Variants in MCF2 observed in about 807,000 individuals in gnomAD.
The protein encoded by MCF2 is proto-oncogene DBL.
Under a neutral mutation model 82.5 loss-of-function variants are expected in MCF2, and 44 were observed. The ratio of observed to expected loss-of-function variants is 0.53; its 90% CI spans 0.42 to 0.69. MCF2 has a LOEUF of 0.69. MCF2 is among the 30% of genes least tolerant of loss of function. The pLI, the probability that MCF2 is intolerant of heterozygous loss-of-function variation, is 0.00. For synonymous variants in MCF2, 217 were observed against 224.9 expected (o/e 0.96, Z 0.32); for missense variants, 623 against 663.1 (o/e 0.94, Z 0.66).
At chrX:139,584,981 G>T in intron 24 of MCF2, 85 bp downstream of exon 28, 1 of 588,204 alleles carries the variant, frequency 1.7e-6, no homozygotes, top group South Asian at 3.5e-5. Context: ...CAAGGATGCT[G>T]ACAAAAGATT....
At chrX:139,648,437 C>A (rs752686929) in intron 2 of MCF2, among the ~76,000 whole-genome samples, 1 of 109,845 alleles carries the variant, frequency 9.1e-6, no homozygotes, top group Non-Finnish European at 1.9e-5. Context: ...CAATACTCAA[C>A]GCAAAAGAAG....
At chrX:139,663,080 G>A (rs1246430404) in intron 1 of MCF2, among the ~76,000 whole-genome samples, 2 of 111,616 alleles carry the variant, frequency 1.8e-5, no homozygotes, top group African/African-American at 3.3e-5. Context: ...TTTTTCTATC[G>A]TGAATAATGC....
chrX:139,599,024 T>C (rs904629998), intron 16 of MCF2, among the ~76,000 whole-genome samples: 3 of 109,586 alleles, frequency 2.7e-5, no homozygotes, highest in Non-Finnish European at 5.7e-5. Flanking sequence ...TGATGTTGGG[T>C]TCCGGGAACA....
At chrX:139,696,967 G>T (rs1303773549) in intron 1 of MCF2, among the ~76,000 whole-genome samples, 1 of 112,130 alleles carries the variant, frequency 8.9e-6, no homozygotes, top group Non-Finnish European at 1.9e-5. Flanking sequence ...TCTTTGCCAT[G>T]TATGCAGGGG....
intron 1 of MCF2, among the ~76,000 whole-genome samples, chrX:139,633,376 C>T (rs1301976787): frequency 8.9e-6 from 1 of 111,952 alleles, no homozygotes; most frequent in Non-Finnish European, 1.9e-5. Flanking sequence ...CTGTGCAAAG[C>T]ATTTTGCCAA....
chrX:139,615,538 G>C (rs1016043663), intron 9 of MCF2, among the ~76,000 whole-genome samples: 3 of 111,847 alleles, frequency 2.7e-5, no homozygotes, highest in Non-Finnish European at 5.7e-5. Context: ...ACCTCTCCTA[G>C]ATGCTTTGAG....
At chrX:139,617,515 G>T (rs895735158) in exon 8 of MCF2, 1 of 1,170,709 alleles carries the variant, frequency 8.5e-7, no homozygotes, top group Non-Finnish European at 1.1e-6. Flanking sequence ...TACACTACCT[G>T]CTGTAGGAGT....
exon 25 of MCF2, chrX:139,581,860 A>G (rs1232732970): frequency 8.9e-6 from 1 of 112,713 alleles, no homozygotes; most frequent in Non-Finnish European, 1.9e-5. Flanking sequence ...AAGTTACATT[A>G]ATTATAAGCA....
At chrX:139,583,094 T>C (rs768701602) in intron 24 of MCF2, among the ~76,000 whole-genome samples, 1 of 110,916 alleles carries the variant, frequency 9.0e-6, no homozygotes, top group East Asian at 2.8e-4. Flanking sequence ...CACAGTGGAG[T>C]TTTCTAGAGG....
exon 7 of MCF2, chrX:139,619,698 A>G (rs1932191690): frequency 1.7e-6 from 2 of 1,144,300 alleles, no homozygotes; most frequent in Non-Finnish European, 2.3e-6. Flanking sequence ...ATTCAACTTC[A>G]GTCACAAGCT....
chrX:139,692,136 G>C (rs1237499537), intron 1 of MCF2: 2 of 1,141,885 alleles, frequency 1.8e-6, no homozygotes, highest in African/African-American at 3.6e-5. Flanking sequence ...GTGCCTGGCC[G>C]CCCGCCTTGG....
At chrX:139,659,597 C>A (rs1273508537) in intron 1 of MCF2, among the ~76,000 whole-genome samples, 5 of 111,758 alleles carry the variant, frequency 4.5e-5, no homozygotes, top group African/African-American at 1.6e-4. Context: ...TATTCATATA[C>A]AATAGAAAAA....
intron 2 of MCF2, among the ~76,000 whole-genome samples, chrX:139,648,355 G>A (rs1264501711): frequency 9.1e-6 from 1 of 110,071 alleles, no homozygotes; most frequent in Non-Finnish European, 1.9e-5. Context: ...CTGGACAACA[G>A]AGCAAGACCC....
chrX:139,634,775 C>T (rs939735329), intron 1 of MCF2, among the ~76,000 whole-genome samples: 8 of 111,137 alleles, frequency 7.2e-5, no homozygotes, highest in Admixed American at 1.9e-4. Context: ...CCTGCCCTTC[C>T]AACACACAAT....
rs767653300 is a variant in MCF2 at position 139,625,866 on chromosome X, T to C, written c.687+327A>G. On this transcript the variant is annotated intron_variant, in intron 6 of 24. Transcript: ENST00000370576. ...CAAGAAGGAAGTTGGTATTATTCCC[T>C]TGGAAAGCTACCTCATAACCTTGAA... Among the ~76,000 whole-genome samples the C allele has an allele frequency of 1.5e-4, 17 of 111,822 alleles. No individual in the cohort carries two copies. The South Asian group carries it at 6.4e-3, about 42-fold the overall frequency.
exon 9 of MCF2, chrX:139,616,401 C>T: frequency 8.5e-7 from 1 of 1,180,588 alleles, no homozygotes; most frequent in Non-Finnish European, 1.1e-6. Context: ...TTCTGAGCAT[C>T]TTCTTTAGAC....
At chrX:139,624,443 G>T (rs775212242) in intron 6 of MCF2, among the ~76,000 whole-genome samples, 2 of 109,260 alleles carry the variant, frequency 1.8e-5, no homozygotes, top group African/African-American at 6.7e-5. Context: ...GGGAGGCTGA[G>T]GGGGGAGGAT....
rs1934606007 is a variant in MCF2, at chrX:139,669,044, C to T, written c.-44-17256G>A. 2.7e-5 allele frequency among the ~76,000 whole-genome samples: 3 copies of T among 111,392 alleles called. No homozygotes were observed. In the Admixed American group the frequency reaches 2.9e-4, roughly 11 times the overall value. ...AATGTTTAAAATTATATAAATTGGG[C>T]TTCATCAAAATTAAAACTTTGTGCT... On this transcript the variant is annotated intron_variant, in intron 1 of 27. Transcript: ENST00000414978.
intron 19 of MCF2, 83 bp downstream of exon 23, chrX:139,596,466 T>C: frequency 1.4e-6 from 1 of 710,604 alleles, no homozygotes; most frequent in Non-Finnish European, 2.2e-6. Context: ...TAAAACCTAC[T>C]CATTTGAAAC....
Sources: allele counts gnomAD v4.1 joint callset (sites outside exome capture counted in the v4.1 genomes callset), GRCh38; gene constraint gnomAD v4.1.1; transcripts MANE v1.5; gene names NCBI Gene and HGNC (gene_info 2026-07-23, HGNC 2026-07-21).